PAPSS1: variants seen among roughly 807,000 people sequenced by gnomAD.
PAPSS1 encodes 3'-phosphoadenosine 5'-phosphosulfate synthase 1, also known as bifunctional 3'-phosphoadenosine 5'-phosphosulfate synthase 1.
A neutral mutation model predicts 72.0 loss-of-function variants in PAPSS1; 50 were observed. The observed-to-expected ratio is 0.69, with a 90% CI of 0.55 to 0.88. PAPSS1 has a LOEUF of 0.88. Among genes scored for constraint, PAPSS1 ranks in the 40% least tolerant of loss-of-function variants. PAPSS1 has a pLI of 0.00. For missense variants in PAPSS1, 657 were observed against 782.2 expected (o/e 0.84, Z 1.91); for synonymous variants, 261 against 263.6 (o/e 0.99, Z 0.09).
At chr4:107,650,972 ACT>A (rs1300441725) in intron 9 of PAPSS1, among the ~76,000 whole-genome samples, 1 of 152,178 alleles carries the variant, frequency 6.6e-6, no homozygotes. Flanking sequence ...TAAATCACAC[ACT>A]GACAAAAAAG....
At chr4:107,629,434 C>T (rs1726177590) in intron 11 of PAPSS1, among the ~76,000 whole-genome samples, 1 of 152,176 alleles carries the variant, frequency 6.6e-6, no homozygotes, top group African/African-American at 2.4e-5. Flanking sequence ...AAAGCCAACA[C>T]CATAGACATC....
At chr4:107,679,730 G>A (rs570761747) in intron 5 of PAPSS1, among the ~76,000 whole-genome samples, 196 of 150,382 alleles carry the variant, frequency 1.3e-3, no homozygotes, top group African/African-American at 4.6e-3. Flanking sequence ...CCAGGCTGGA[G>A]AGCAGTGGCG....
At chr4:107,691,923 C>T (rs1460488004) in intron 3 of PAPSS1, among the ~76,000 whole-genome samples, 1 of 151,660 alleles carries the variant, frequency 6.6e-6, no homozygotes, top group East Asian at 1.9e-4. Context: ...TTTGACAAAC[C>T]TGACAAAAAC....
chr4:107,635,045 G>A (rs373017231), intron 10 of PAPSS1, among the ~76,000 whole-genome samples: 22 of 151,968 alleles, frequency 1.4e-4, no homozygotes, highest in African/African-American at 3.9e-4. Flanking sequence ...TGATCCGCCC[G>A]CCTTGGCCTC....
intron 10 of PAPSS1, among the ~76,000 whole-genome samples, chr4:107,635,940 G>A (rs1436062336): frequency 6.6e-6 from 1 of 152,166 alleles, no homozygotes; most frequent in Non-Finnish European, 1.5e-5. Context: ...GTGCTTCTCT[G>A]TTTATCTTGT....
chr4:107,691,492 C>T (rs1560586802), intron 3 of PAPSS1, among the ~76,000 whole-genome samples: 1 of 152,200 alleles, frequency 6.6e-6, no homozygotes, highest in Non-Finnish European at 1.5e-5. Context: ...GATATCAGGG[C>T]TTCCCAAGGG....
At chr4:107,665,705 T>C (rs1727297722) in intron 5 of PAPSS1, among the ~76,000 whole-genome samples, 1 of 152,164 alleles carries the variant, frequency 6.6e-6, no homozygotes, top group East Asian at 1.9e-4. Flanking sequence ...CTAGAGATAT[T>C]ATAAATTTAT....
chr4:107,675,322 AAT>A (rs1727610153), intron 5 of PAPSS1, among the ~76,000 whole-genome samples: 1 of 152,216 alleles, frequency 6.6e-6, no homozygotes, highest in South Asian at 2.1e-4. Flanking sequence ...AGAAGAATCA[AAT>A]AGATGCAATA....
chr4:107,706,858 C>T (rs1163236485), intron 1 of PAPSS1, among the ~76,000 whole-genome samples: 1 of 152,166 alleles, frequency 6.6e-6, no homozygotes, highest in Non-Finnish European at 1.5e-5. Flanking sequence ...GGGAGGCTGG[C>T]CTGGTATCTG....
intron 2 of PAPSS1, among the ~76,000 whole-genome samples, chr4:107,698,756 G>A (rs1297281977): frequency 6.6e-6 from 1 of 152,140 alleles, no homozygotes; most frequent in Non-Finnish European, 1.5e-5. Flanking sequence ...CCACAACATT[G>A]TGAGTTTCAC....
chr4:107,707,118 G>A (rs2522430), intron 1 of PAPSS1, among the ~76,000 whole-genome samples: 125,313 of 152,158 alleles, frequency 0.82, 53,525 homozygotes, highest in South Asian at 0.95. Flanking sequence ...GATCTCTTAA[G>A]TATGGGGTTG....
chr4:107,646,715 G>C (rs1353440300), intron 9 of PAPSS1, among the ~76,000 whole-genome samples: 1 of 152,006 alleles, frequency 6.6e-6, no homozygotes, highest in East Asian at 1.9e-4. Context: ...TCCCAACCCT[G>C]CTCTCAGGTG....
chr4:107,656,541 T>G (rs563186456), intron 7 of PAPSS1, among the ~76,000 whole-genome samples: 1 of 152,194 alleles, frequency 6.6e-6, no homozygotes, highest in Non-Finnish European at 1.5e-5. Context: ...AGCTCAAGCA[T>G]GGGCTTCAGT....
At chr4:107,691,887 A>G (rs1239903961) in intron 3 of PAPSS1, among the ~76,000 whole-genome samples, 1 of 152,208 alleles carries the variant, frequency 6.6e-6, no homozygotes, top group African/African-American at 2.4e-5. Flanking sequence ...TAAAAATAAC[A>G]TATGCATACC....
chr4:107,640,283 T>C (rs1047084847), intron 10 of PAPSS1, among the ~76,000 whole-genome samples: 6 of 152,174 alleles, frequency 3.9e-5, no homozygotes, highest in African/African-American at 1.2e-4. Context: ...GCCTCCTCCA[T>C]TCCTGAAATG....
At position 107,627,626 on chromosome 4, in the gene PAPSS1, T is replaced by G. The variant is rs534034633; in HGVS notation, c.1736+4005A>C. On this transcript the variant is annotated intron_variant, in intron 11 of 11. Transcript: ENST00000265174. ...CTACCATAAAAGGGCAGAACTGTAC[T>G]CAAAACTTTTTTACTTCCCTTAATA... 3.9e-5 allele frequency among the ~76,000 whole-genome samples: 6 copies of G among 152,308 alleles called. No homozygotes were observed. The South Asian group carries it at 1.2e-3, about 32-fold the overall frequency.
intron 11 of PAPSS1, among the ~76,000 whole-genome samples, chr4:107,622,396 ACC>A (rs1725988420): frequency 6.6e-6 from 1 of 152,222 alleles, no homozygotes. Flanking sequence ...TACCAAAAAT[ACC>A]ATAATAACAT....
At chr4:107,649,083 C>A (rs2110314808) in intron 9 of PAPSS1, among the ~76,000 whole-genome samples, 1 of 152,316 alleles carries the variant, frequency 6.6e-6, no homozygotes, top group Admixed American at 6.5e-5. Flanking sequence ...GGGTTCTGTG[C>A]CGCTTATTTG....
chr4:107,615,095 C>T (rs7666615), intron 11 of PAPSS1, among the ~76,000 whole-genome samples: 11,393 of 38,848 alleles, frequency 0.29, 1,419 homozygotes, highest in African/African-American at 0.53. Context: ...AATTTTTTTT[C>T]TTCTGGAACA....
Sources: gnomAD v4.1 joint callset for allele counts (sites outside exome capture counted in the v4.1 genomes callset) on GRCh38, gnomAD v4.1.1 for gene constraint, MANE v1.5 for transcripts, NCBI Gene and HGNC (gene_info 2026-07-23, HGNC 2026-07-21) for gene names.